The following SEMA3D variants were observed in gnomAD, a reference collection of about 807,000 sequenced individuals.
SEMA3D encodes the protein semaphorin 3D, also known as semaphorin-3D.
SEMA3D carries 84 observed loss-of-function variants against 100.1 expected under a neutral mutation model. The observed-to-expected ratio is 0.84, with a 90% CI of 0.70 to 1.01. The LOEUF is 1.01. SEMA3D is among the 50% of genes least tolerant of loss of function. The pLI is 0.00. For missense variants in SEMA3D, 875 were observed against 934.1 expected, an observed-to-expected ratio of 0.94 and a Z score of 0.82; for synonymous variants, 312 against 320.7, an observed-to-expected ratio of 0.97 and a Z score of 0.29.
chr7:85,098,632 C>T (rs1788647394), intron 3 of SEMA3D, among the ~76,000 whole-genome samples: 1 of 151,844 alleles, frequency 6.6e-6, no homozygotes, highest in African/African-American at 2.4e-5. Flanking sequence ...TCAGCATCCC[C>T]CACCTCAGTG....
intron 2 of SEMA3D, chr7:85,144,724 C>T (rs1025677196): frequency 6.2e-6 from 6 of 970,610 alleles, no homozygotes; most frequent in East Asian, 1.1e-4. Context: ...TTCCCCTTGC[C>T]TCTAGTATGA....
Position 85,174,875 on chromosome 7 carries a change from A to T in SEMA3D, c.-173+11803T>A, listed in dbSNP as rs548232316. ...AAGAGCACAGCAAAACTGTAGACCC[A>T]TATGCCTGGTCCACATGGCTAATGC... On this transcript the variant is annotated intron_variant, in intron 1 of 18. Coordinates refer to ENST00000284136, the MANE Select transcript of SEMA3D (RefSeq NM_001384900.1). Among the ~76,000 whole-genome samples the T allele has an allele frequency of 2.6e-5, 4 of 152,048 alleles. No individual in the cohort carries two copies. In the South Asian group the frequency reaches 8.3e-4, roughly 32 times the overall value.
the SEMA3D span, among the ~76,000 whole-genome samples, chr7:85,204,552 G>T: frequency 6.6e-6 from 1 of 152,058 alleles, no homozygotes; most frequent in South Asian, 2.1e-4. Context: ...TTAATTTTCA[G>T]TGTAGGATGA....
At chr7:85,185,524 C>T (rs1583998940) in intron 1 of SEMA3D, among the ~76,000 whole-genome samples, 1 of 152,310 alleles carries the variant, frequency 6.6e-6, no homozygotes, top group East Asian at 1.9e-4. Flanking sequence ...CTTTTATTAC[C>T]GCTTCGCTCG....
In SEMA3D at chr7:85,157,111, C is replaced by T. The variant is rs546737429; in HGVS notation, c.-172-3372G>A. Among the ~76,000 whole-genome samples the T allele has an allele frequency of 8.9e-4, 135 of 151,976 alleles. 1 individual carries two copies. Among genetic ancestry groups the T allele is most frequent in the South Asian group, 2.3e-3 (11 of 4,808 alleles). On this transcript the variant is annotated intron_variant, in intron 1 of 18. Coordinates refer to ENST00000284136, the MANE Select transcript of SEMA3D (RefSeq NM_001384900.1). ...GTCTCACTGTTTCTGGCACAGCCTACCTTTTTAGTCTGTTTAAAAAAAAAT... is the reference window on the plus strand; with the variant it reads ...GTCTCACTGTTTCTGGCACAGCCTATCTTTTTAGTCTGTTTAAAAAAAAAT...
rs771979621 is a variant in SEMA3D at position 85,081,498 on chromosome 7, G to T, written c.375+19C>A. The T allele has an allele frequency of 3.9e-6, 6 of 1,532,160 alleles. No individual in the cohort carries two copies. Among genetic ancestry groups the T allele is most frequent in the Non-Finnish European group, 5.4e-6 (6 of 1,105,804 alleles). The allele number at this position is 1,532,160 out of a possible 1,614,324, so 94.9% of individuals were successfully genotyped here. ...CAGTAGAAGTTTTACAAAGATAATT[G>T]TTACAGTTTCATACTTACATTGGCA... On this transcript the variant is annotated intron_variant, in intron 5 of 18. Coordinates refer to ENST00000284136, the MANE Select transcript of SEMA3D (RefSeq NM_001384900.1).
rs561044077 is a variant in SEMA3D, at chr7:85,015,226, G to A, written c.1546-10C>T. 20 of 1,601,326 alleles carry A rather than the reference G, an allele frequency of 1.2e-5. No homozygotes were observed. In the East Asian group the frequency reaches 1.3e-4, roughly 11 times the overall value. ...CAATGTACAATTGTTGCTGCAAATC[G>A]GGCAAAACAAATGAATTAGAAGCAT... On this transcript the variant is annotated splice_polypyrimidine_tract_variant and intron_variant, in intron 15 of 18. Transcript: ENST00000284136.
the SEMA3D span, among the ~76,000 whole-genome samples, chr7:85,196,978 T>C: frequency 5.3e-5 from 8 of 152,132 alleles, no homozygotes; most frequent in East Asian, 1.5e-3. Context: ...GTCTGGGGAG[T>C]CATGCCCTAC....
intron 1 of SEMA3D, chr7:85,181,966 T>TAA: frequency 6.5e-6 from 1 of 153,688 alleles, no homozygotes; most frequent in Non-Finnish European, 1.4e-5. Context: ...TATGTATAGG[T>TAA]GTTTACCTAT....
chr7:85,231,905 A>C, the SEMA3D span, among the ~76,000 whole-genome samples: 9 of 152,290 alleles, frequency 5.9e-5, no homozygotes, highest in African/African-American at 2.2e-4. Flanking sequence ...AAGAGGAAAA[A>C]CATTTTTTTC....
chr7:85,216,479 T>C, the SEMA3D span, among the ~76,000 whole-genome samples: 1 of 151,920 alleles, frequency 6.6e-6, no homozygotes, highest in Non-Finnish European at 1.5e-5. Context: ...ATGTATACAA[T>C]TGTTGAAATT....
intron 14 of SEMA3D, 60 bp from the exon 15 acceptor site, chr7:85,018,353 A>C (rs545224439): frequency 9.1e-7 from 1 of 1,096,552 alleles, no homozygotes; most frequent in Non-Finnish European, 1.4e-6. Context: ...ATATTAAACA[A>C]TATGTTGTTT....
At chr7:85,204,622 T>C in the SEMA3D span, among the ~76,000 whole-genome samples, 4 of 152,110 alleles carry the variant, frequency 2.6e-5, no homozygotes, top group Admixed American at 6.6e-5. Context: ...TTGATTACTA[T>C]GTTCATCAAC....
At chr7:85,140,626 C>T in intron 2 of SEMA3D, 2 of 942,902 alleles carry the variant, frequency 2.1e-6, no homozygotes, top group Non-Finnish European at 2.5e-6. Flanking sequence ...ATTATTTACT[C>T]CCTATAATCT....
intron 4 of SEMA3D, among the ~76,000 whole-genome samples, chr7:85,095,964 A>C (rs1477344733): frequency 6.6e-6 from 1 of 152,010 alleles, no homozygotes; most frequent in Non-Finnish European, 1.5e-5. Flanking sequence ...ATGATCTAAT[A>C]CACTCAGTTC....
At chr7:85,241,167 C>G in the SEMA3D span, among the ~76,000 whole-genome samples, 1 of 151,798 alleles carries the variant, frequency 6.6e-6, no homozygotes, top group Non-Finnish European at 1.5e-5. Context: ...CAAAAAATAA[C>G]TGATGTTGAC....
At chr7:85,070,925 C>T (rs886497255) in intron 6 of SEMA3D, among the ~76,000 whole-genome samples, 5 of 152,142 alleles carry the variant, frequency 3.3e-5, no homozygotes, top group Non-Finnish European at 7.3e-5. Flanking sequence ...GGATTACAGG[C>T]GCATGCCACC....
chr7:85,227,470 C>T, the SEMA3D span, among the ~76,000 whole-genome samples: 1 of 152,060 alleles, frequency 6.6e-6, no homozygotes, highest in Non-Finnish European at 1.5e-5. Flanking sequence ...ATCTATGAAC[C>T]AGGAAACAGG....
At chr7:85,230,923 T>G in the SEMA3D span, among the ~76,000 whole-genome samples, 15 of 152,170 alleles carry the variant, frequency 9.9e-5, no homozygotes, top group African/African-American at 3.4e-4. Context: ...ACCAACAAAC[T>G]CAACAAGAAC....
Sources: gnomAD v4.1 joint callset for allele counts (sites outside exome capture counted in the v4.1 genomes callset) on GRCh38, gnomAD v4.1.1 for gene constraint, MANE v1.5 for transcripts, NCBI Gene and HGNC (gene_info 2026-07-23, HGNC 2026-07-21) for gene names.